Variants in STK3 observed in about 807,000 individuals in gnomAD.
The protein encoded by STK3 is serine/threonine kinase 3, also known as serine/threonine-protein kinase 3.
Under a neutral mutation model 58.0 loss-of-function variants are expected in STK3, and 41 were observed. The observed-to-expected ratio is 0.71, with a 90% CI of 0.55 to 0.92. STK3 has a LOEUF of 0.92. Among genes scored for constraint, STK3 ranks in the 40% least tolerant of loss-of-function variants. The probability of loss-of-function intolerance (pLI) is 0.00; values close to 1 mark genes in which losing one functional copy is unlikely to be tolerated. For missense variants in STK3, 479 were observed against 602.7 expected, an observed-to-expected ratio of 0.79 and a Z score of 2.15; for synonymous variants, 170 against 191.0, an observed-to-expected ratio of 0.89 and a Z score of 0.91.
intron 9 of STK3, among the ~76,000 whole-genome samples, chr8:98,544,904 T>C (rs973973065): frequency 1.3e-5 from 2 of 152,100 alleles, no homozygotes; most frequent in African/African-American, 4.8e-5. Flanking sequence ...AAGACATAGT[T>C]TCCCTCCAGG....
At chr8:98,618,505 G>A (rs1013803535) in intron 6 of STK3, among the ~76,000 whole-genome samples, 2 of 151,500 alleles carry the variant, frequency 1.3e-5, no homozygotes, top group South Asian at 2.1e-4. Context: ...ATTCAATTAG[G>A]AAAAGAGGAA....
At chr8:98,697,272 C>A (rs1238973366) in intron 6 of STK3, among the ~76,000 whole-genome samples, 1 of 152,068 alleles carries the variant, frequency 6.6e-6, no homozygotes, top group Non-Finnish European at 1.5e-5. Context: ...GTCTTGCTAG[C>A]GGTCTATCAA....
At chr8:98,798,297 CTA>C (rs1313026979) in intron 1 of STK3, among the ~76,000 whole-genome samples, 2 of 152,122 alleles carry the variant, frequency 1.3e-5, no homozygotes, top group African/African-American at 4.8e-5. Context: ...TTCTATATTT[CTA>C]TGTCAATATA....
intron 9 of STK3, among the ~76,000 whole-genome samples, chr8:98,547,336 G>A (rs970369541): frequency 1.8e-4 from 27 of 152,202 alleles, no homozygotes; most frequent in Non-Finnish European, 3.5e-4. Context: ...TTAAAAAAGA[G>A]AAGTGCTAGT....
At chr8:98,879,082 G>A (rs1837697052), downstream of STK3, 2 of 151,860 alleles carry the variant, frequency 1.3e-5, no homozygotes, top group Admixed American at 1.3e-4. Context: ...GTGTATTTGT[G>A]TATGCACACT....
intron 6 of STK3, among the ~76,000 whole-genome samples, chr8:98,615,231 C>G (rs1817597119): frequency 6.6e-6 from 1 of 150,700 alleles, no homozygotes; most frequent in Middle Eastern, 3.4e-3. Flanking sequence ...GGTATTCCAA[C>G]AGACCTGCAG....
At chr8:98,739,249 CCA>C (rs1442779056) in intron 4 of STK3, among the ~76,000 whole-genome samples, 2 of 152,166 alleles carry the variant, frequency 1.3e-5, no homozygotes, top group African/African-American at 2.4e-5. Context: ...AGTGGTTCTC[CCA>C]GCACGCAGCT....
intron 6 of STK3, among the ~76,000 whole-genome samples, chr8:98,689,565 G>A (rs990963853): frequency 4.6e-5 from 7 of 152,108 alleles, no homozygotes; most frequent in Non-Finnish European, 1.0e-4. Context: ...AGGATCACTG[G>A]AGCTCAGGAG....
chr8:98,634,947 A>C, intron 6 of STK3, among the ~76,000 whole-genome samples: 1 of 152,084 alleles, frequency 6.6e-6, no homozygotes, highest in East Asian at 1.9e-4. Context: ...CAATATCCCC[A>C]GGTTATTTTC....
chr8:98,701,169 G>C (rs1336998819), intron 6 of STK3, among the ~76,000 whole-genome samples: 2 of 136,830 alleles, frequency 1.5e-5, no homozygotes, highest in Non-Finnish European at 3.1e-5. Context: ...GTGAGACCCT[G>C]TCACATGGAT....
intron 1 of STK3, among the ~76,000 whole-genome samples, chr8:98,448,964 T>C (rs1364901501): frequency 6.6e-6 from 1 of 152,146 alleles, no homozygotes; most frequent in Non-Finnish European, 1.5e-5. Context: ...TATAAGAAAT[T>C]CTTTCTGATG....
At chr8:98,681,756 C>A (rs1732851204) in intron 6 of STK3, among the ~76,000 whole-genome samples, 6 of 152,202 alleles carry the variant, frequency 3.9e-5, no homozygotes, top group Admixed American at 3.9e-4. Context: ...AACTCCCAAA[C>A]TTGAAACCAA....
chr8:98,601,118 A>G (rs895907178), intron 6 of STK3, among the ~76,000 whole-genome samples: 1 of 152,032 alleles, frequency 6.6e-6, no homozygotes, highest in Middle Eastern at 3.2e-3. Flanking sequence ...AGGAAGGTGG[A>G]TTGCTTGAGC....
chr8:98,376,992 G>A (rs1464527841), intron 2 of STK3, among the ~76,000 whole-genome samples: 1 of 152,104 alleles, frequency 6.6e-6, no homozygotes, highest in African/African-American at 2.4e-5. Flanking sequence ...TCACCACACT[G>A]GGCTCTTTGG....
chr8:98,812,284 A>G (rs1667513590), intron 1 of STK3, among the ~76,000 whole-genome samples: 1 of 152,250 alleles, frequency 6.6e-6, no homozygotes, highest in South Asian at 2.1e-4. Context: ...TTCTCATGAA[A>G]AAATGTTCAC....
intron 10 of STK3, among the ~76,000 whole-genome samples, chr8:98,474,688 G>A (rs994773695): frequency 3.3e-5 from 5 of 152,058 alleles, no homozygotes; most frequent in South Asian, 2.1e-4. Flanking sequence ...TCATCTTTAG[G>A]ACTGATCTTA....
chr8:98,711,127 C>CCTGTA (rs1232227448), intron 4 of STK3, among the ~76,000 whole-genome samples: 7 of 152,122 alleles, frequency 4.6e-5, no homozygotes, highest in Non-Finnish European at 1.0e-4. Flanking sequence ...CACCAAAACC[C>CCTGTA]CATCTGTACA....
At chr8:98,630,337 G>T (rs954092573) in intron 6 of STK3, among the ~76,000 whole-genome samples, 3 of 152,154 alleles carry the variant, frequency 2.0e-5, no homozygotes, top group Admixed American at 6.5e-5. Context: ...AATAAAATGT[G>T]AAGTATTAAG....
intron 6 of STK3, among the ~76,000 whole-genome samples, chr8:98,685,021 T>C (rs1420684727): frequency 6.6e-6 from 1 of 152,192 alleles, no homozygotes; most frequent in African/African-American, 2.4e-5. Context: ...TGAAAATATT[T>C]CTACCATGGA....
Sources: allele counts gnomAD v4.1 joint callset (sites outside exome capture counted in the v4.1 genomes callset), GRCh38; gene constraint gnomAD v4.1.1; transcripts MANE v1.5; gene names NCBI Gene and HGNC (gene_info 2026-07-23, HGNC 2026-07-21).